The following TAP2 variants were observed in gnomAD, a reference collection of about 807,000 sequenced individuals.
TAP2 encodes the protein transporter 2, ATP binding cassette subfamily B member.
In TAP2, 49 loss-of-function variants were observed where a neutral mutation model predicts 74.7. That is an observed-to-expected ratio of 0.66 (90% CI 0.52 to 0.83). TAP2 has a LOEUF of 0.83. Ranked by LOEUF, TAP2 falls within the 40% of genes least tolerant of loss-of-function variation. TAP2 has a pLI of 0.00. For synonymous variants in TAP2, 306 were observed against 368.4 expected, an observed-to-expected ratio of 0.83 and a Z score of 1.94; for missense variants, 739 against 859.0, an observed-to-expected ratio of 0.86 and a Z score of 1.75.
Position 32,827,804 on chromosome 6 carries a change from T to C in TAP2, c.*1102A>G. ...GAAGGAATTTCCAGAAATGCCATCA[T>C]CGTATGTGACACAGAATTTAGAAAA... On this transcript the variant is annotated 3_prime_UTR_variant, in exon 12 of 12. Transcript: ENST00000374897. The C allele has an allele frequency of 1.2e-6, 1 of 869,406 alleles. No individual in the cohort carries two copies. Among genetic ancestry groups the C allele is most frequent in the Non-Finnish European group, 1.3e-6 (1 of 754,008 alleles). The allele number at this position is 869,406 out of a possible 1,614,324, so 53.9% of individuals were successfully genotyped here.
Position 32,828,740 on chromosome 6 carries a change from GT to G in TAP2, c.*165del. 9.5e-7 allele frequency: 1 copy of G among 1,057,746 alleles called. No individual in the cohort carries two copies. Among genetic ancestry groups the G allele is most frequent in the Non-Finnish European group, 1.1e-6 (1 of 879,336 alleles). The allele number at this position is 1,057,746 out of a possible 1,614,324, so 65.5% of individuals were successfully genotyped here. On this transcript the variant is annotated 3_prime_UTR_variant, in exon 12 of 12. Coordinates refer to ENST00000374897, the MANE Select transcript of TAP2 (RefSeq NM_001290043.2). ...AGCACACAGTGTCCAAATCTCCATC[GT>G]GCCTGCAACTCAGGAACAGCTATCT...
Position 32,830,301 on chromosome 6 carries a change from A to G in TAP2, c.1601T>C (p.Ile534Thr). The G allele has an allele frequency of 6.2e-7, 1 of 1,613,014 alleles. No individual in the cohort carries two copies. Among genetic ancestry groups the G allele is most frequent in the Non-Finnish European group, 8.5e-7 (1 of 1,180,014 alleles). Reference sequence around the variant, plus strand: ...CAGGTAGCAGTGTTCATACTGTGAGATGGGCTTTTCATCCAGCAGCACCTG... The same window carrying G: ...CAGGTAGCAGTGTTCATACTGTGAGGTGGGCTTTTCATCCAGCAGCACCTG... Reference protein sequence around the residue: ...GGQVLLDEKPISQYEHCYLHS... With the variant: ...GGQVLLDEKPTSQYEHCYLHS... The change falls in exon 9 of 12, where the codon ATC becomes ACC. Residue 534 changes from isoleucine to threonine, a missense_variant. Ile to Thr is a moderately conservative substitution (Grantham distance 89). Coordinates refer to ENST00000374897, the MANE Select transcript of TAP2 (RefSeq NM_001290043.2).
rs554940948 is a variant in TAP2, at chr6:32,836,721, G to A, written c.608+816C>T. 2.0e-5 allele frequency among the ~76,000 whole-genome samples: 3 copies of A among 152,320 alleles called. No homozygotes were observed. The East Asian group carries it at 5.8e-4, about 29-fold the overall frequency. ...ATAGAAAAGGTACAGTAAAAATATG[G>A]TATTATAATCTTGTGGGTCCACCAT... On this transcript the variant is annotated intron_variant, in intron 3 of 11. Coordinates refer to ENST00000374897, the MANE Select transcript of TAP2 (RefSeq NM_001290043.2).
In TAP2 at chr6:32,832,447, C is replaced by A. The variant is rs2228397; in HGVS notation, c.1158G>T (p.Gly386=). Residue 386 remains glycine (G), a synonymous_variant, in exon 7 of 12, where the codon GGG becomes GGT. Coordinates refer to ENST00000374897, the MANE Select transcript of TAP2 (RefSeq NM_001290043.2). The surrounding 1 kb of genome is among the most constrained non-coding windows in gnomAD (Gnocchi z 5.9). ...CACAGCTCAGCATCAGCATCTGCAC[C>A]CCCAAGTGCAGCACCTGGAAGAGGA... The part of the protein sequence containing the change: ...YLLVRRVLHL[G]VQMLMLSCGL... 386,138 of 1,611,722 alleles carry A rather than the reference C, an allele frequency of 0.24. 47,782 individuals are homozygous for A. Among genetic ancestry groups the A allele is most frequent in the Admixed American group, 0.35 (20,894 of 59,738 alleles).
downstream of TAP2, among the ~76,000 whole-genome samples, chr6:32,825,126 T>TTATATATATATATATATATATATA (rs28381588): frequency 5.0e-3 from 702 of 140,440 alleles, 15 homozygotes; most frequent in South Asian, 9.6e-3. Flanking sequence ...TGTCTGTTGG[T>TTATATATATATATATATATATATA]TATATACATA....
At position 32,826,470 on chromosome 6, in the gene TAP2, AG is replaced by A; in HGVS notation, c.*2435del. ...TGATGGGGGGTAGGAGTGAACAAAA[AG>A]AACTCTGGAGCAAACCAGGATTAGT... On this transcript the variant is annotated 3_prime_UTR_variant, in exon 12 of 12. Transcript: ENST00000374897. 1.0e-6 allele frequency: 1 copy of A among 985,464 alleles called. No individual in the cohort carries two copies. Among genetic ancestry groups the A allele is most frequent in the East Asian group, 1.1e-4 (1 of 8,816 alleles). 61.0% of individuals were successfully genotyped at this position (985,464 alleles called of 1,614,324 possible).
chr6:32,828,213 A>T lies in TAP2; in HGVS notation c.*693T>A, dbSNP rs755680996. Reference sequence around the variant, plus strand: ...GGATAATGATTAAAAACGATAATACATGAAAAACACTTAGCATAGCTCCTA... The same window carrying T: ...GGATAATGATTAAAAACGATAATACTTGAAAAACACTTAGCATAGCTCCTA... On this transcript the variant is annotated 3_prime_UTR_variant, in exon 12 of 12. Coordinates refer to ENST00000374897, the MANE Select transcript of TAP2 (RefSeq NM_001290043.2). 7.3e-6 allele frequency: 7 copies of T among 957,646 alleles called. No homozygotes were observed. Among genetic ancestry groups the T allele is most frequent in the Non-Finnish European group, 7.5e-6 (6 of 804,848 alleles). The allele number at this position is 957,646 out of a possible 1,614,324, so 59.3% of individuals were successfully genotyped here. A position where few individuals can be genotyped will look rare whatever the true frequency, so the allele number is the denominator to read the frequency against.
downstream of TAP2, chr6:32,822,073 C>A: frequency 1.8e-6 from 1 of 554,858 alleles, no homozygotes. Context: ...AACTGAGGAA[C>A]CAAAGGCTTT....
rs1376176135 is a variant in TAP2, at chr6:32,828,983, T to G, written c.1984A>C (p.Arg662=). The change falls in exon 12 of 12, where the codon AGG becomes CGG. Residue 662 remains arginine (R), a synonymous_variant. Transcript: ENST00000374897. ...GDRTVLVIAH[R]LQTVQRAHQI... ...TGGGCGCGCTGAACTGTCTGCAGCCTGTGAGCAATCACCAGCACTGTGCGA... is the reference window on the plus strand; with the variant it reads ...TGGGCGCGCTGAACTGTCTGCAGCCGGTGAGCAATCACCAGCACTGTGCGA... 16 of 1,551,036 alleles carry G rather than the reference T, an allele frequency of 1.0e-5. No individual in the cohort carries two copies. In the African/African-American group the frequency reaches 1.9e-4, roughly 19 times the overall value.
At chr6:32,829,877 T>A in intron 10 of TAP2, 53 bp downstream of exon 10, 1 of 1,609,724 alleles carries the variant, frequency 6.2e-7, no homozygotes, top group South Asian at 1.1e-5. Context: ...TAAGAGTAAG[T>A]CTGATTTTCT....
Position 32,826,960 on chromosome 6 carries a change from T to G in TAP2, c.*1946A>C, listed in dbSNP as rs1185320832. 3.0e-6 allele frequency: 3 copies of G among 985,290 alleles called. No individual in the cohort carries two copies. In the African/African-American group the frequency reaches 5.2e-5, roughly 17 times the overall value. 61.0% of individuals were successfully genotyped at this position (985,290 alleles called of 1,614,324 possible). A position where few individuals can be genotyped will look rare whatever the true frequency, so the allele number is the denominator to read the frequency against. On this transcript the variant is annotated 3_prime_UTR_variant, in exon 12 of 12. Transcript: ENST00000374897. ...GAGAAAGGAATCAGGCCAGAGTTCT[T>G]TCTCTCCAAATGCCTATTTTACCCT...
chr6:32,837,878 A>G lies in TAP2; in HGVS notation c.356T>C (p.Leu119Pro). Residue 119 changes from leucine to proline, a missense_variant, in exon 2 of 12, where the codon CTG (leucine) becomes CCG (proline). Leu to Pro is a moderately conservative substitution (Grantham distance 98, BLOSUM62 -3). Transcript: ENST00000374897. ...AGLSWSLWAV[L>P]SPPGAQEKEQ... ...CTTCTCCTGGGCTCCAGGAGGGCTC[A>G]GAACAGCCCACAGTGACCAGCTGAG... 13 of 1,613,126 alleles carry G rather than the reference A, an allele frequency of 8.1e-6. No individual in the cohort carries two copies. The highest frequency in any genetic ancestry group is 1.1e-5 in the Non-Finnish European group (13 of 1,179,984).
chr6:32,826,719 A>G lies in TAP2; in HGVS notation c.*2187T>C. 4 of 985,422 alleles carry G rather than the reference A, an allele frequency of 4.1e-6. No individual in the cohort carries two copies. Among genetic ancestry groups the G allele is most frequent in the Non-Finnish European group, 4.8e-6 (4 of 829,928 alleles). The allele number at this position is 985,422 out of a possible 1,614,324, so 61.0% of individuals were successfully genotyped here. A position where few individuals can be genotyped will look rare whatever the true frequency, so the allele number is the denominator to read the frequency against. On this transcript the variant is annotated 3_prime_UTR_variant, in exon 12 of 12. Transcript: ENST00000374897. Reference sequence around the variant, plus strand: ...CAGCTTTATCATGATTAGCTGCGTGATTTCATGTCAGTTTCTCTGTAAAAT... The same window carrying G: ...CAGCTTTATCATGATTAGCTGCGTGGTTTCATGTCAGTTTCTCTGTAAAAT...
chr6:32,835,059 A>C lies in TAP2; in HGVS notation c.945+95T>G. The C allele has an allele frequency of 7.7e-7, 1 of 1,291,392 alleles. No individual in the cohort carries two copies. The highest frequency in any genetic ancestry group is 1.1e-6 in the Non-Finnish European group (1 of 902,118). 80.0% of individuals were successfully genotyped at this position (1,291,392 alleles called of 1,614,324 possible). A position where few individuals can be genotyped will look rare whatever the true frequency, so the allele number is the denominator to read the frequency against. ...CTCCCCTAATGGCTGAGAAGAGAAC[A>C]TCTCTCTCTAGGGGATCCTCTAGCC... On this transcript the variant is annotated intron_variant, in intron 5 of 11. Coordinates refer to ENST00000374897, the MANE Select transcript of TAP2 (RefSeq NM_001290043.2). This position sits in a 1 kb window ranked among gnomAD's most constrained non-coding sequence, Gnocchi z 4.0.
intron 5 of TAP2, among the ~76,000 whole-genome samples, chr6:32,834,401 T>C (rs993784884): frequency 1.3e-5 from 2 of 152,216 alleles, no homozygotes; most frequent in Non-Finnish European, 1.5e-5. Context: ...ACAAATACTG[T>C]ATGGTTCCAC....
rs938003227 is a variant in TAP2, at chr6:32,826,550, C to A, written c.*2356G>T. 13 of 985,166 alleles carry A rather than the reference C, an allele frequency of 1.3e-5. No homozygotes were observed. Among genetic ancestry groups the A allele is most frequent in the Non-Finnish European group, 1.6e-5 (13 of 829,906 alleles). 61.0% of individuals were successfully genotyped at this position (985,166 alleles called of 1,614,324 possible). A position where few individuals can be genotyped will look rare whatever the true frequency, so the allele number is the denominator to read the frequency against. ...CTTACAGGAATTTGTCTGTCTAGCC[C>A]GAATATTTTGACTTTCAGGGAGCAT... is the stretch of plus-strand genomic sequence containing the variant. On this transcript the variant is annotated 3_prime_UTR_variant, in exon 12 of 12. Transcript: ENST00000374897.
At chr6:32,830,935 T>A in intron 7 of TAP2, 129 bp from the exon 8 acceptor site, 2 of 858,068 alleles carry the variant, frequency 2.3e-6, no homozygotes, top group Non-Finnish European at 1.9e-6. Flanking sequence ...ATTCTCCACT[T>A]TTAAATGTAC....
Position 32,828,675 on chromosome 6 carries a change from G to GGCCGC in TAP2, c.*230_*231insGCGGC. On this transcript the variant is annotated 3_prime_UTR_variant, in exon 12 of 12. Transcript: ENST00000374897. Reference sequence around the variant, plus strand: ...GAATTAAGTTTCCTGGACACAGACAGCCCCCACCCCACCCCACCCCACCTC... The same window carrying GGCCGC: ...GAATTAAGTTTCCTGGACACAGACAGGCCGCCCCCCACCCCACCCCACCCCACCTC... 1 of 884,280 alleles carries GGCCGC rather than the reference G, an allele frequency of 1.1e-6. No homozygotes were observed. The highest frequency in any genetic ancestry group is 1.4e-6 in the Non-Finnish European group (1 of 735,240). The allele number at this position is 884,280 out of a possible 1,614,324, so 54.8% of individuals were successfully genotyped here.
chr6:32,832,732 C>T lies in TAP2; in HGVS notation c.1038G>A (p.Gly346=), dbSNP rs1247292725. 1.2e-6 allele frequency: 2 copies of T among 1,613,002 alleles called. No individual in the cohort carries two copies. Among genetic ancestry groups the T allele is most frequent in the Admixed American group, 1.7e-5 (1 of 60,012 alleles). ...AGCGACAGACTTCATGCTCCTCGGC[C>T]CCAAAACTGCGAACGGTCTGCAGCC... The part of the protein sequence containing the change: ...VGGLQTVRSF[G]AEEHEVCRYK... Residue 346 remains glycine (G), a synonymous_variant, in exon 6 of 12, where the codon GGG becomes GGA. Transcript: ENST00000374897. This position sits in a 1 kb window ranked among gnomAD's most constrained non-coding sequence, Gnocchi z 5.9.
Sources: gnomAD v4.1 joint callset for allele counts (sites outside exome capture counted in the v4.1 genomes callset) on GRCh38, gnomAD v4.1.1 for gene constraint, Gnocchi (gnomAD v3.1) non-coding constraint, MANE v1.5 for transcripts, NCBI Gene and HGNC (gene_info 2026-07-23, HGNC 2026-07-21) for gene names.